Variants in OPA1 observed in about 807,000 individuals in gnomAD.
OPA1 encodes dynamin-like GTPase OPA1, mitochondrial.
In OPA1, 59 loss-of-function variants were observed where a neutral mutation model predicts 152.9. That is an observed-to-expected ratio of 0.39 (90% CI 0.31 to 0.48). The LOEUF is 0.48. Ranked by LOEUF, OPA1 falls within the 20% of genes least tolerant of loss-of-function variation. OPA1 has a pLI of 0.96. For missense variants in OPA1, 1,008 were observed against 1,216.8 expected (o/e 0.83, Z 2.55); for synonymous variants, 400 against 389.9 (o/e 1.03, Z -0.31).
At chr3:193,665,241 TGTGAATATAAATAGTAAAAA>T (rs1716256911) in intron 27 of OPA1, among the ~76,000 whole-genome samples, 1 of 147,828 alleles carries the variant, frequency 6.8e-6, no homozygotes, top group African/African-American at 2.5e-5. Flanking sequence ...TAAAAAAAAG[TGTGAATATAAATAGTAAAAA>T]AAATAAATAA....
intron 5 of OPA1, chr3:193,618,599 TTG>T: frequency 2.4e-6 from 1 of 419,912 alleles, no homozygotes; most frequent in East Asian, 4.6e-5. Flanking sequence ...TTACCAAAGA[TTG>T]TCTTATTTTT....
intron 29 of OPA1, chr3:193,667,525 G>A: frequency 4.6e-6 from 2 of 438,936 alleles, no homozygotes; most frequent in Non-Finnish European, 8.8e-6. Flanking sequence ...AAAAAACTTA[G>A]CCAGGTGTGG....
At chr3:193,622,445 T>A (rs765984513) in intron 6 of OPA1, among the ~76,000 whole-genome samples, 1 of 152,066 alleles carries the variant, frequency 6.6e-6, no homozygotes, top group Non-Finnish European at 1.5e-5. Context: ...GCCAGGATGG[T>A]CTTGATCTCT....
intron 29 of OPA1, among the ~76,000 whole-genome samples, chr3:193,673,899 TAA>T (rs1228500941): frequency 6.6e-6 from 1 of 152,246 alleles, no homozygotes; most frequent in Non-Finnish European, 1.5e-5. Context: ...CAATATAGCT[TAA>T]AGAGGCTGGT....
At chr3:193,637,838 T>C in intron 10 of OPA1, 114 bp from the exon 11 acceptor site, 1 of 847,356 alleles carries the variant, frequency 1.2e-6, no homozygotes, top group Non-Finnish European at 2.0e-6. Context: ...AAAATATTTT[T>C]TCACCTGTAG....
At chr3:193,663,087 C>A in intron 26 of OPA1, 125 bp downstream of exon 26, 2 of 903,524 alleles carry the variant, frequency 2.2e-6, no homozygotes, top group Non-Finnish European at 3.5e-6. Flanking sequence ...TGTACATTTG[C>A]TGACAGTAAA....
At chr3:193,678,576 G>C (rs1470086470) in intron 29 of OPA1, among the ~76,000 whole-genome samples, 1 of 152,086 alleles carries the variant, frequency 6.6e-6, no homozygotes, top group Non-Finnish European at 1.5e-5. Flanking sequence ...CAGTGGGCTA[G>C]ATTTTTTTTC....
At chr3:193,640,938 T>A (rs949712123) in intron 11 of OPA1, among the ~76,000 whole-genome samples, 1 of 152,158 alleles carries the variant, frequency 6.6e-6, no homozygotes, top group Non-Finnish European at 1.5e-5. Flanking sequence ...CTTTTGTGGG[T>A]CTAGCTATGG....
intron 21 of OPA1, among the ~76,000 whole-genome samples, chr3:193,654,011 T>C (rs138221007): frequency 9.7e-4 from 148 of 152,244 alleles, no homozygotes; most frequent in African/African-American, 3.4e-3. Flanking sequence ...AATTACCATA[T>C]GATCCAAACA....
chr3:193,611,116 T>G (rs760683280), intron 1 of OPA1, among the ~76,000 whole-genome samples: 2 of 152,210 alleles, frequency 1.3e-5, no homozygotes, highest in Non-Finnish European at 2.9e-5. Context: ...ATCACCCGTT[T>G]TCTGCGTCGC....
At chr3:193,643,077 G>A (rs769320357) in intron 13 of OPA1, 28 bp downstream of exon 13, 15 of 1,538,504 alleles carry the variant, frequency 9.7e-6, no homozygotes, top group South Asian at 4.5e-5. Context: ...TTTCAGTGAC[G>A]TTTTATGGAA....
rs1577178261 is a variant in OPA1 at position 193,621,384 on chromosome 3, T to C, written c.678+2448T>C. Among the ~76,000 whole-genome samples, 6 of 152,334 alleles carry C rather than the reference T, an allele frequency of 3.9e-5. No individual in the cohort carries two copies. The East Asian group carries it at 1.2e-3, about 29-fold the overall frequency. Reference sequence around the variant, plus strand: ...AGACAGAATAAACATGATGAACCGATAACCTGTGATTCCCAGCCTGGGGTT... The same window carrying C: ...AGACAGAATAAACATGATGAACCGACAACCTGTGATTCCCAGCCTGGGGTT... On this transcript the variant is annotated intron_variant, in intron 6 of 30. Coordinates refer to ENST00000361510, the MANE Select transcript of OPA1 (RefSeq NM_130837.3).
rs920704377 is a variant in OPA1 at position 193,695,699 on chromosome 3, A to G, written c.*1099A>G. 6.6e-6 allele frequency: 1 copy of G among 152,214 alleles called. No homozygotes were observed. Among genetic ancestry groups the G allele is most frequent in the African/African-American group, 2.4e-5 (1 of 41,466 alleles). The allele number at this position is 152,214 out of a possible 1,614,324, so 9.4% of individuals were successfully genotyped here. ...AATGCTTTCTTTACTTAAAATGTCT[A>G]TCTCATTTGCTGCCTTTTCACTAAG... On this transcript the variant is annotated 3_prime_UTR_variant, in exon 31 of 31. Transcript: ENST00000361510.
At chr3:193,621,574 T>C (rs1236883599) in intron 6 of OPA1, among the ~76,000 whole-genome samples, 1 of 152,258 alleles carries the variant, frequency 6.6e-6, no homozygotes, top group Non-Finnish European at 1.5e-5. Flanking sequence ...TACTGAATTA[T>C]TTATGTCATG....
intron 16 of OPA1, among the ~76,000 whole-genome samples, chr3:193,644,319 C>A (rs923073811): frequency 6.6e-6 from 1 of 152,114 alleles, no homozygotes. Flanking sequence ...CTAGTTCATT[C>A]CCAGTAGACT....
At chr3:193,637,511 TACTG>T (rs1353689713) in intron 10 of OPA1, among the ~76,000 whole-genome samples, 1 of 152,024 alleles carries the variant, frequency 6.6e-6, no homozygotes, top group Non-Finnish European at 1.5e-5. Context: ...ATTTATGAGT[TACTG>T]TATGTGTTAT....
In OPA1 at chr3:193,617,770, C is replaced by T; in HGVS notation, c.557-14C>T. ...TTTTACATTTCTATTTCCCCTTTTG[C>T]TGATTTTTCACAGGTCACAAATTGG... On this transcript the variant is annotated splice_polypyrimidine_tract_variant and intron_variant, in intron 4 of 30. Coordinates refer to ENST00000361510, the MANE Select transcript of OPA1 (RefSeq NM_130837.3). 2 of 1,599,766 alleles carry T rather than the reference C, an allele frequency of 1.3e-6. No homozygotes were observed. Among genetic ancestry groups the T allele is most frequent in the Non-Finnish European group, 8.6e-7 (1 of 1,167,340 alleles).
At chr3:193,670,378 TC>T (rs1275875766) in intron 29 of OPA1, among the ~76,000 whole-genome samples, 3 of 150,776 alleles carry the variant, frequency 2.0e-5, no homozygotes, top group Admixed American at 1.3e-4. Flanking sequence ...CTTGGAGACT[TC>T]CCCCCCACCT....
At chr3:193,685,586 G>A (rs1036289124) in intron 29 of OPA1, among the ~76,000 whole-genome samples, 2 of 152,054 alleles carry the variant, frequency 1.3e-5, no homozygotes, top group South Asian at 4.1e-4. Context: ...AGACTTTTTG[G>A]TAAGTAGAGA....
Sources: gnomAD v4.1 joint callset for allele counts (sites outside exome capture counted in the v4.1 genomes callset) on GRCh38, gnomAD v4.1.1 for gene constraint, MANE v1.5 for transcripts, NCBI Gene and HGNC (gene_info 2026-07-23, HGNC 2026-07-21) for gene names.